Variants in COBL observed in about 807,000 individuals in gnomAD.
COBL encodes cordon-bleu WH2 repeat protein, also known as protein cordon-bleu.
Under a neutral mutation model 98.8 loss-of-function variants are expected in COBL, and 51 were observed. The ratio of observed to expected loss-of-function variants is 0.52; its 90% CI spans 0.41 to 0.65. The LOEUF (loss-of-function observed/expected upper bound fraction) is 0.65. COBL is among the 30% of genes least tolerant of loss of function. COBL has a pLI of 0.00. For synonymous variants in COBL, 634 were observed against 651.7 expected, an observed-to-expected ratio of 0.97 and a Z score of 0.41; for missense variants, 1,617 against 1,617.5, an observed-to-expected ratio of 1.00 and a Z score of 0.01.
chr7:51,304,772 C>G lies in COBL; in HGVS notation c.41+11821G>C, dbSNP rs375694154. Among the ~76,000 whole-genome samples the G allele has an allele frequency of 4.9e-4, 75 of 152,274 alleles. No homozygotes were observed. In the South Asian group the frequency reaches 0.015, roughly 30 times the overall value. ...AAAATAGGAACTGTCCTGTGACAGG[C>G]CCTCCACTGATGCTGTTACTCCTGG... On this transcript the variant is annotated intron_variant, in intron 1 of 12. Coordinates refer to ENST00000265136, the MANE Select transcript of COBL (RefSeq NM_015198.5).
intron 5 of COBL, among the ~76,000 whole-genome samples, chr7:51,138,996 C>T (rs1001192593): frequency 6.6e-6 from 1 of 152,218 alleles, no homozygotes; most frequent in African/African-American, 2.4e-5. Context: ...GCCCTGAGCA[C>T]TTAAGGAAGG....
chr7:51,022,200 T>C (rs1022981274), intron 12 of COBL, among the ~76,000 whole-genome samples: 3 of 152,122 alleles, frequency 2.0e-5, no homozygotes, highest in African/African-American at 4.8e-5. Context: ...CGGGAGCATC[T>C]TGTAAACGGC....
rs143197517 is a variant in COBL, at chr7:51,091,216, A to G, written c.958-5912T>C. ...GAGAAATAACAATAAATGGAAATCT[A>G]TGGCCAGAAAAGACAAAAAAATTAA... is the stretch of plus-strand genomic sequence containing the variant. On this transcript the variant is annotated intron_variant, in intron 6 of 12. Coordinates refer to ENST00000265136, the MANE Select transcript of COBL (RefSeq NM_015198.5). Among the ~76,000 whole-genome samples, 403 of 152,324 alleles carry G rather than the reference A, an allele frequency of 2.6e-3. 1 individual carries two copies. The highest frequency in any genetic ancestry group is 5.6e-3 in the African/African-American group (232 of 41,590).
chr7:51,108,638 G>A lies in COBL; in HGVS notation c.958-23334C>T, dbSNP rs191914163. Among the ~76,000 whole-genome samples, 24 of 152,166 alleles carry A rather than the reference G, an allele frequency of 1.6e-4. No individual in the cohort carries two copies. In the East Asian group the frequency reaches 2.5e-3, roughly 16 times the overall value. Reference sequence around the variant, plus strand: ...GTATTCCCATCCTGTGGCCTCCTGGGTTACTCCACCTTCGTTCCCTTCCCT... The same window carrying A: ...GTATTCCCATCCTGTGGCCTCCTGGATTACTCCACCTTCGTTCCCTTCCCT... On this transcript the variant is annotated intron_variant, in intron 6 of 12. Transcript: ENST00000265136.
chr7:51,027,858 T>C lies in COBL; in HGVS notation c.3238A>G (p.Thr1080Ala). The change falls in exon 10 of 13, where the codon ACA becomes GCA. Residue 1080 changes from threonine to alanine, a missense_variant. By Grantham distance (58) the Thr-to-Ala change is moderately conservative. Around this residue, in one of 3 missense-constraint regions of COBL, gnomAD observed 1,304 missense variants for 1,282.0 expected, o/e 1.02. Coordinates refer to ENST00000265136, the MANE Select transcript of COBL (RefSeq NM_015198.5). ...ATGCTGGGTGGCCAAATACTGTCTG[T>C]TTCATTTCCATCTGTAGAGAACACA... ...PSVFSTDGNETDSIWPPSIFG... is the reference protein window; with the variant it reads ...PSVFSTDGNEADSIWPPSIFG... 6.2e-7 allele frequency: 1 copy of C among 1,614,256 alleles called. No individual in the cohort carries two copies. Among genetic ancestry groups the C allele is most frequent in the South Asian group, 1.1e-5 (1 of 91,092 alleles).
intron 12 of COBL, among the ~76,000 whole-genome samples, chr7:51,021,757 G>A (rs1377646745): frequency 1.3e-5 from 2 of 152,172 alleles, no homozygotes; most frequent in African/African-American, 4.8e-5. Context: ...TAACCTCCAG[G>A]ATCCATGCAT....
intron 5 of COBL, among the ~76,000 whole-genome samples, chr7:51,149,748 T>A (rs1271387800): frequency 6.6e-6 from 1 of 152,070 alleles, no homozygotes; most frequent in East Asian, 1.9e-4. Context: ...TGGGATTACA[T>A]GTGCCCACCA....
At chr7:51,097,776 C>T (rs1480001829) in intron 6 of COBL, among the ~76,000 whole-genome samples, 2 of 152,112 alleles carry the variant, frequency 1.3e-5, no homozygotes, top group African/African-American at 4.8e-5. Flanking sequence ...GTAATCCCAG[C>T]ACTTTGGGAG....
intron 5 of COBL, among the ~76,000 whole-genome samples, chr7:51,145,366 T>C (rs1379683929): frequency 2.1e-5 from 3 of 145,954 alleles, no homozygotes; most frequent in Admixed American, 6.9e-5. Flanking sequence ...GCTCATATGT[T>C]ATTCCTTTTC....
chr7:51,024,704 G>A (rs1419979925), intron 12 of COBL, among the ~76,000 whole-genome samples: 5 of 151,990 alleles, frequency 3.3e-5, no homozygotes, highest in Non-Finnish European at 7.4e-5. Flanking sequence ...TAAGACTGGC[G>A]GCTTCCGTGC....
intron 6 of COBL, among the ~76,000 whole-genome samples, chr7:51,119,998 G>C (rs982345824): frequency 2.0e-5 from 3 of 152,164 alleles, no homozygotes; most frequent in Non-Finnish European, 2.9e-5. Flanking sequence ...TTAAATACAA[G>C]ATGTCTGTTC....
chr7:51,113,017 T>C (rs1796973454), intron 6 of COBL, among the ~76,000 whole-genome samples: 1 of 152,222 alleles, frequency 6.6e-6, no homozygotes, highest in African/African-American at 2.4e-5. Flanking sequence ...CATCTTAACC[T>C]TCCGGAAATG....
chr7:51,112,188 G>A (rs1468449935), intron 6 of COBL, among the ~76,000 whole-genome samples: 1 of 152,118 alleles, frequency 6.6e-6, no homozygotes, highest in Non-Finnish European at 1.5e-5. Context: ...GCCATGAAGT[G>A]GGATTACAAA....
In COBL at chr7:51,284,129, CAAAAAAAAAAA is replaced by C. The variant is rs71021763; in HGVS notation, c.41+32453_41+32463del. ...TGAAACCTCGTCTCTACCAAAAATA[CAAAAAAAAAAA>C]AAAAAAAAAAAAGCACTAGGCATGG... On this transcript the variant is annotated intron_variant, in intron 1 of 12. Transcript: ENST00000265136. Among the ~76,000 whole-genome samples, 26 of 66,246 alleles carry C rather than the reference CAAAAAAAAAAA, an allele frequency of 3.9e-4. No individual in the cohort carries two copies. In the Admixed American group the frequency reaches 4.9e-3, roughly 12 times the overall value. 43.5% of individuals were successfully genotyped at this position (66,246 alleles called of 152,430 possible). A position where few individuals can be genotyped will look rare whatever the true frequency, so the allele number is the denominator to read the frequency against.
intron 5 of COBL, among the ~76,000 whole-genome samples, chr7:51,144,713 A>G (rs1438790334): frequency 1.3e-5 from 2 of 151,604 alleles, no homozygotes; most frequent in Admixed American, 1.3e-4. Context: ...CCCTTTCCCC[A>G]CCCCAGTCCT....
intron 1 of COBL, among the ~76,000 whole-genome samples, chr7:51,233,039 G>A (rs1002119233): frequency 6.6e-6 from 1 of 152,126 alleles, no homozygotes; most frequent in African/African-American, 2.4e-5. Flanking sequence ...TAGTCCACAA[G>A]AGGTATAAGA....
intron 1 of COBL, among the ~76,000 whole-genome samples, chr7:51,283,091 C>T (rs1332036908): frequency 6.6e-6 from 1 of 152,112 alleles, no homozygotes; most frequent in African/African-American, 2.4e-5. Context: ...TCAAACTAAT[C>T]ATTTAAACCT....
chr7:51,263,916 A>G (rs1797940871), intron 1 of COBL, among the ~76,000 whole-genome samples: 1 of 152,232 alleles, frequency 6.6e-6, no homozygotes, highest in African/African-American at 2.4e-5. Context: ...AGTTGATGGA[A>G]TGCTAACCAT....
chr7:51,043,146 T>C (rs571422543), intron 8 of COBL, among the ~76,000 whole-genome samples: 1 of 152,268 alleles, frequency 6.6e-6, no homozygotes, highest in South Asian at 2.1e-4. Flanking sequence ...TAGAAAAATA[T>C]ACTTAAGGGT....
Sources: allele counts gnomAD v4.1 joint callset (sites outside exome capture counted in the v4.1 genomes callset), GRCh38; gene constraint gnomAD v4.1.1; regional missense constraint gnomAD v4.1.1; transcripts MANE v1.5; gene names NCBI Gene and HGNC (gene_info 2026-07-23, HGNC 2026-07-21).